The following RBFOX1 variants were observed in gnomAD, a reference collection of about 807,000 sequenced individuals.
RBFOX1 encodes the protein RNA binding fox-1 homolog 1, also known as RNA binding protein fox-1 homolog 1.
In RBFOX1, 8 loss-of-function variants were observed where a neutral mutation model predicts 57.7. The ratio of observed to expected loss-of-function variants is 0.14; its 90% CI spans 0.08 to 0.25. The LOEUF (loss-of-function observed/expected upper bound fraction) is 0.25, where lower values mean the gene tolerates loss of function less well. Among genes scored for constraint, RBFOX1 ranks in the 10% least tolerant of loss-of-function variants. The pLI, the probability that RBFOX1 is intolerant of heterozygous loss-of-function variation, is 1.00. For missense variants in RBFOX1, 611 were observed against 548.5 expected (o/e 1.11, Z -1.14); for synonymous variants, 326 against 222.4 (o/e 1.47, Z -4.15).
At chr16:7,026,211 T>C (rs1008951422) in intron 3 of RBFOX1, among the ~76,000 whole-genome samples, 1 of 152,174 alleles carries the variant, frequency 6.6e-6, no homozygotes, top group African/African-American at 2.4e-5. Context: ...AGACCGTCTC[T>C]TCTAGGAAGG....
chr16:5,720,316 A>G (rs2051881624), intron 3 of RBFOX1, among the ~76,000 whole-genome samples: 1 of 152,080 alleles, frequency 6.6e-6, no homozygotes, highest in Admixed American at 6.5e-5. Flanking sequence ...TATGTTGTGG[A>G]TCCTAGTCCT....
At chr16:5,463,666 G>T (rs1352297929) in intron 1 of RBFOX1, among the ~76,000 whole-genome samples, 2 of 151,930 alleles carry the variant, frequency 1.3e-5, no homozygotes, top group Admixed American at 1.3e-4. Context: ...CAGACGTGCT[G>T]ACACACAACT....
chr16:7,211,688 G>C (rs945689766), intron 4 of RBFOX1, among the ~76,000 whole-genome samples: 1 of 152,118 alleles, frequency 6.6e-6, no homozygotes, highest in South Asian at 2.1e-4. Context: ...ACTGATTCCT[G>C]CCCTGGGGTA....
intron 4 of RBFOX1, among the ~76,000 whole-genome samples, chr16:7,324,409 A>G (rs1056975341): frequency 2.2e-4 from 34 of 152,228 alleles, no homozygotes; most frequent in East Asian, 7.7e-4. Flanking sequence ...TAGAGAGTGC[A>G]CAAAGAAAAG....
chr16:5,399,009 G>A (rs972210246), intron 1 of RBFOX1, among the ~76,000 whole-genome samples: 43 of 152,142 alleles, frequency 2.8e-4, no homozygotes, highest in African/African-American at 9.9e-4. Context: ...TTTGAGGGCC[G>A]CAGTGACAGC....
At chr16:5,591,500 C>T (rs923703518) in intron 2 of RBFOX1, among the ~76,000 whole-genome samples, 3 of 152,184 alleles carry the variant, frequency 2.0e-5, no homozygotes, top group Non-Finnish European at 2.9e-5. Context: ...ATCTGCCTGA[C>T]TCAGCCTCCC....
chr16:6,263,212 T>G (rs923690901), intron 1 of RBFOX1, among the ~76,000 whole-genome samples: 1 of 152,194 alleles, frequency 6.6e-6, no homozygotes, highest in African/African-American at 2.4e-5. Context: ...TCATACTTTC[T>G]GCTTCCCCAG....
At chr16:5,924,929 A>T (rs1278917075) in intron 4 of RBFOX1, among the ~76,000 whole-genome samples, 1 of 152,144 alleles carries the variant, frequency 6.6e-6, no homozygotes, top group African/African-American at 2.4e-5. Context: ...AGCTTTTTCT[A>T]GGCAAAACCA....
chr16:7,423,640 G>A (rs1426877607), intron 4 of RBFOX1, among the ~76,000 whole-genome samples: 1 of 152,130 alleles, frequency 6.6e-6, no homozygotes, highest in East Asian at 1.9e-4. Context: ...TGCAGCTTGT[G>A]CTGTTTATAT....
intron 4 of RBFOX1, among the ~76,000 whole-genome samples, chr16:5,957,880 C>A (rs181627075): frequency 1.7e-4 from 26 of 152,196 alleles, no homozygotes; most frequent in African/African-American, 6.3e-4. Context: ...ACTATAGTCA[C>A]CCTATTGTAC....
chr16:5,474,871 C>G (rs747329177), intron 2 of RBFOX1, among the ~76,000 whole-genome samples: 2 of 152,214 alleles, frequency 1.3e-5, no homozygotes, highest in African/African-American at 2.4e-5. Flanking sequence ...ATTTGACTCA[C>G]AAAGGCTATT....
intron 2 of RBFOX1, among the ~76,000 whole-genome samples, chr16:5,475,851 G>A (rs1421958551): frequency 6.6e-6 from 1 of 152,094 alleles, no homozygotes; most frequent in East Asian, 1.9e-4. Context: ...CCAGGCCGAA[G>A]TGCAAGTACA....
intron 1 of RBFOX1, among the ~76,000 whole-genome samples, chr16:6,199,731 A>C (rs2097203127): frequency 6.6e-6 from 1 of 152,186 alleles, no homozygotes; most frequent in Admixed American, 6.5e-5. Flanking sequence ...TTATCTGTGA[A>C]AACCAGTAAA....
intron 2 of RBFOX1, among the ~76,000 whole-genome samples, chr16:6,408,925 A>G (rs1397966981): frequency 6.6e-6 from 1 of 152,026 alleles, no homozygotes; most frequent in Non-Finnish European, 1.5e-5. Context: ...TTTCTATTTT[A>G]TCATTTTCTT....
At chr16:7,655,422 A>C (rs2066063052) in intron 12 of RBFOX1, among the ~76,000 whole-genome samples, 2 of 152,196 alleles carry the variant, frequency 1.3e-5, no homozygotes. Flanking sequence ...ACAAACCAAG[A>C]ATGAACTGGC....
At chr16:7,073,581 A>C (rs1302978384) in intron 4 of RBFOX1, among the ~76,000 whole-genome samples, 5 of 152,150 alleles carry the variant, frequency 3.3e-5, no homozygotes, top group African/African-American at 9.7e-5. Flanking sequence ...GGAGGCTCAC[A>C]CGTGTAATCC....
At chr16:5,941,771 G>A (rs1171450001) in intron 4 of RBFOX1, among the ~76,000 whole-genome samples, 2 of 151,772 alleles carry the variant, frequency 1.3e-5, no homozygotes, top group African/African-American at 2.4e-5. Context: ...ACCTCTTCCC[G>A]TGAGCTCATA....
chr16:7,326,832 T>C (rs2096617951), intron 4 of RBFOX1, among the ~76,000 whole-genome samples: 1 of 152,082 alleles, frequency 6.6e-6, no homozygotes, highest in Non-Finnish European at 1.5e-5. Flanking sequence ...TGTGATGACC[T>C]TGGAAACATA....
At chr16:5,666,192 G>A (rs1431641333) in intron 3 of RBFOX1, among the ~76,000 whole-genome samples, 5 of 152,256 alleles carry the variant, frequency 3.3e-5, no homozygotes, top group African/African-American at 1.2e-4. Context: ...AGCTGGGAAG[G>A]AAAGGGAGGG....
Sources: allele counts gnomAD v4.1 joint callset (sites outside exome capture counted in the v4.1 genomes callset), GRCh38; gene constraint gnomAD v4.1.1; transcripts MANE v1.5; gene names NCBI Gene and HGNC (gene_info 2026-07-23, HGNC 2026-07-21).